The following KAZN variants were observed in gnomAD, a reference collection of about 807,000 sequenced individuals.
KAZN encodes the protein kazrin.
KAZN carries 40 observed loss-of-function variants against 87.4 expected under a neutral mutation model. The ratio of observed to expected loss-of-function variants is 0.46; its 90% confidence interval spans 0.36 to 0.60. The LOEUF is 0.60. KAZN is among the 20% of genes least tolerant of loss of function. The pLI, the probability that KAZN is intolerant of heterozygous loss-of-function variation, is 0.00. For missense variants in KAZN, 898 were observed against 1,073.9 expected, an observed-to-expected ratio of 0.84 and a Z score of 2.29; for synonymous variants, 466 against 458.3, an observed-to-expected ratio of 1.02 and a Z score of -0.22.
intron 2 of KAZN, among the ~76,000 whole-genome samples, chr1:14,182,494 T>C (rs1646218747): frequency 6.6e-6 from 1 of 152,170 alleles, no homozygotes. Flanking sequence ...TTTGAAACAG[T>C]GTTTTGGTTA....
At chr1:14,304,467 A>G (rs1226569872) in intron 2 of KAZN, 4 of 395,364 alleles carry the variant, frequency 1.0e-5, no homozygotes, top group Non-Finnish European at 1.8e-5. Flanking sequence ...ACGAGGTCTG[A>G]CTATCTTCAC....
intron 1 of KAZN, among the ~76,000 whole-genome samples, chr1:14,919,557 C>A (rs1489804083): frequency 1.3e-5 from 2 of 152,146 alleles, no homozygotes; most frequent in African/African-American, 2.4e-5. Flanking sequence ...GAAAGTTTCA[C>A]CAGGAGTTAC....
At chr1:14,945,490 T>C (rs1661650565) in intron 1 of KAZN, among the ~76,000 whole-genome samples, 1 of 152,176 alleles carries the variant, frequency 6.6e-6, no homozygotes. Context: ...TGGCGCCTTC[T>C]GGAAGCCCTA....
intron 1 of KAZN, among the ~76,000 whole-genome samples, chr1:14,015,299 C>T (rs866381882): frequency 1.3e-5 from 2 of 151,740 alleles, no homozygotes; most frequent in East Asian, 2.0e-4. Flanking sequence ...ACAAAAATGC[C>T]GTTCAGATGA....
At chr1:14,757,481 C>A (rs897404939) in intron 1 of KAZN, among the ~76,000 whole-genome samples, 2 of 152,212 alleles carry the variant, frequency 1.3e-5, no homozygotes, top group Admixed American at 6.5e-5. Context: ...ATTTAGTCAA[C>A]CCTTCTGAGC....
rs3032757 is a variant in KAZN, at chr1:14,789,760, C to CAAAAAAAAAAAA, written c.227-170898_227-170887dup. 1.5e-4 allele frequency among the ~76,000 whole-genome samples: 7 copies of CAAAAAAAAAAAA among 46,252 alleles called. 1 individual carries two copies. The highest frequency in any genetic ancestry group is 5.0e-4 in the African/African-American group (6 of 12,020). 30.3% of individuals were successfully genotyped at this position (46,252 alleles called of 152,430 possible). On this transcript the variant is annotated intron_variant, in intron 1 of 14. Transcript: ENST00000376030. ...GCAAGGACTCTAAGCTCCTCATTAC[C>CAAAAAAAAAAAA]AAAAAAAAAAAAAAAAAAAAAAAAA...
chr1:14,262,194 G>T (rs537288047), intron 2 of KAZN, among the ~76,000 whole-genome samples: 55 of 152,268 alleles, frequency 3.6e-4, no homozygotes, highest in African/African-American at 1.2e-3. Context: ...CAGGAGGATT[G>T]CTTGAGCCCA....
intron 1 of KAZN, among the ~76,000 whole-genome samples, chr1:14,752,582 T>G (rs571800162): frequency 2.6e-5 from 4 of 152,246 alleles, no homozygotes; most frequent in Admixed American, 2.6e-4. Flanking sequence ...TGTCCTCACA[T>G]GGTGGAAGGA....
chr1:14,445,008 C>T (rs1033856260), intron 2 of KAZN, among the ~76,000 whole-genome samples: 4 of 148,430 alleles, frequency 2.7e-5, no homozygotes, highest in Non-Finnish European at 4.4e-5. Flanking sequence ...AGGGTGGGCT[C>T]TAATCCAACA....
At chr1:14,754,680 C>T (rs1644508006) in intron 1 of KAZN, among the ~76,000 whole-genome samples, 1 of 152,006 alleles carries the variant, frequency 6.6e-6, no homozygotes. Context: ...TTTATAGTCA[C>T]GTTGTTGGAT....
At chr1:13,977,995 G>T (rs946880019) in intron 1 of KAZN, among the ~76,000 whole-genome samples, 2 of 152,238 alleles carry the variant, frequency 1.3e-5, no homozygotes, top group East Asian at 3.9e-4. Flanking sequence ...AGGCCTGGCG[G>T]TGTGCGCCTG....
chr1:14,534,383 G>A lies in KAZN; in HGVS notation c.250-64600G>A, dbSNP rs144112820. On this transcript the variant is annotated intron_variant, in intron 2 of 16. Coordinates refer to the KAZN transcript ENST00000636203. ...GCACTGGCTGGGTGCAATGACTCAC[G>A]CCTGTAATCCCAGCACTTTGGGAGG... 2.4e-3 allele frequency among the ~76,000 whole-genome samples: 373 copies of A among 152,286 alleles called. 1 individual carries two copies. Among genetic ancestry groups the A allele is most frequent in the African/African-American group, 7.1e-3 (294 of 41,564 alleles).
intron 8 of KAZN, among the ~76,000 whole-genome samples, chr1:15,073,307 C>A (rs1469015033): frequency 5.9e-5 from 9 of 152,334 alleles, no homozygotes; most frequent in Admixed American, 1.3e-4. Context: ...GGTCTAAGGC[C>A]GAGGCCCTGG....
intron 1 of KAZN, among the ~76,000 whole-genome samples, chr1:14,023,184 A>G (rs2101272158): frequency 6.6e-6 from 1 of 152,174 alleles, no homozygotes; most frequent in Non-Finnish European, 1.5e-5. Flanking sequence ...ACAGCCAGGC[A>G]TGTTGGCATG....
At chr1:15,104,002 G>C (rs745574898) in intron 12 of KAZN, 21 bp from the exon 13 acceptor site, 1 of 1,609,110 alleles carries the variant, frequency 6.2e-7, no homozygotes, top group Non-Finnish European at 8.5e-7. Flanking sequence ...AGGCTAACAA[G>C]TCCCCTGCCT....
At chr1:14,517,904 T>G (rs984942726) in intron 2 of KAZN, among the ~76,000 whole-genome samples, 3 of 152,186 alleles carry the variant, frequency 2.0e-5, no homozygotes, top group African/African-American at 7.2e-5. Flanking sequence ...GCTGTAAGTG[T>G]GTGCTCAGCC....
At chr1:14,652,953 C>T (rs1638548332) in intron 1 of KAZN, among the ~76,000 whole-genome samples, 1 of 152,052 alleles carries the variant, frequency 6.6e-6, no homozygotes, top group African/African-American at 2.4e-5. Flanking sequence ...ACTCATACTG[C>T]AGTGCCCAAG....
intron 2 of KAZN, among the ~76,000 whole-genome samples, chr1:14,505,678 A>T (rs899654408): frequency 2.0e-5 from 3 of 152,140 alleles, no homozygotes; most frequent in Non-Finnish European, 4.4e-5. Context: ...TCAGTTTGAG[A>T]TGATGAAAAA....
chr1:14,378,972 C>G (rs1012749313), intron 2 of KAZN, among the ~76,000 whole-genome samples: 3 of 150,068 alleles, frequency 2.0e-5, no homozygotes, highest in African/African-American at 7.4e-5. Context: ...GCTTGCAGCT[C>G]CAAAAGAGAT....
Sources: allele counts gnomAD v4.1 joint callset (sites outside exome capture counted in the v4.1 genomes callset), GRCh38; gene constraint gnomAD v4.1.1; transcripts MANE v1.5; gene names NCBI Gene and HGNC (gene_info 2026-07-23, HGNC 2026-07-21).